The following HPSE2 variants were observed in gnomAD, a reference collection of about 807,000 sequenced individuals.
HPSE2 encodes the protein heparanase 2 (inactive).
HPSE2 carries 38 observed loss-of-function variants against 60.5 expected under a neutral mutation model. The observed-to-expected ratio is 0.63, with a 90% CI of 0.48 to 0.82. The LOEUF is 0.82. Among genes scored for constraint, HPSE2 ranks in the 40% least tolerant of loss-of-function variants. HPSE2 has a pLI of 0.00. For synonymous variants in HPSE2, 295 were observed against 293.2 expected (o/e 1.01, Z -0.06); for missense variants, 713 against 740.4 (o/e 0.96, Z 0.43).
chr10:98,540,088 G>A (rs2133821010), intron 9 of HPSE2, among the ~76,000 whole-genome samples: 1 of 152,286 alleles, frequency 6.6e-6, no homozygotes, highest in Non-Finnish European at 1.5e-5. Context: ...ATGAGTCAAT[G>A]GTTCTGAATA....
chr10:99,013,901 TG>T, intron 3 of HPSE2: 1 of 419,844 alleles, frequency 2.4e-6, no homozygotes, highest in Admixed American at 2.9e-5. Context: ...ATGATACTTT[TG>T]TGCTCCTGGT....
intron 11 of HPSE2, among the ~76,000 whole-genome samples, chr10:98,462,837 A>G (rs1940355804): frequency 1.3e-5 from 2 of 152,252 alleles, no homozygotes; most frequent in African/African-American, 4.8e-5. Flanking sequence ...CTAAGCTTGT[A>G]TCTCTACCCT....
intron 9 of HPSE2, among the ~76,000 whole-genome samples, chr10:98,516,428 A>C (rs890920478): frequency 6.6e-6 from 1 of 152,198 alleles, no homozygotes; most frequent in African/African-American, 2.4e-5. Flanking sequence ...TGAATCTATA[A>C]ATAAAAAACG....
intron 3 of HPSE2, among the ~76,000 whole-genome samples, chr10:98,954,315 GAAACAAAGGAA>G (rs1340356395): frequency 3.3e-5 from 5 of 151,392 alleles, no homozygotes; most frequent in African/African-American, 1.2e-4. Context: ...TCAAAAAAAA[GAAACAAAGGAA>G]AAAAAAAGAG....
In HPSE2 at chr10:98,997,112, C is replaced by CT. The variant is rs34434956; in HGVS notation, c.610+147125dup. 1.9e-3 allele frequency among the ~76,000 whole-genome samples: 232 copies of CT among 119,700 alleles called. 21 individuals are homozygous for CT. The East Asian group carries it at 0.024, about 12-fold the overall frequency. The allele number at this position is 119,700 out of a possible 152,430, so 78.5% of individuals were successfully genotyped here. On this transcript the variant is annotated intron_variant, in intron 3 of 11. Transcript: ENST00000370552. ...TTACTTTAGTCAATACAGACCCTTT[C>CT]TTTTTTTTTTTTTTTTTTGAGACAG...
At position 98,932,319 on chromosome 10, in the gene HPSE2, C is replaced by A. The variant is rs953660644; in HGVS notation, c.611-188263G>T. Among the ~76,000 whole-genome samples, 11 of 143,948 alleles carry A rather than the reference C, an allele frequency of 7.6e-5. 1 individual carries two copies. The highest frequency in any genetic ancestry group is 1.6e-4 in the Non-Finnish European group (11 of 67,238). 94.4% of individuals were successfully genotyped at this position (143,948 alleles called of 152,430 possible). A position where few individuals can be genotyped will look rare whatever the true frequency, so the allele number is the denominator to read the frequency against. On this transcript the variant is annotated intron_variant, in intron 3 of 11. Coordinates refer to ENST00000370552, the MANE Select transcript of HPSE2 (RefSeq NM_021828.5). ...CAGCCTTGCATTCTGGGGATAAAAC[C>A]GACCTGATCATGGTGGATAAACTTT...
chr10:98,595,482 TTTC>T (rs1564997427), intron 9 of HPSE2, among the ~76,000 whole-genome samples: 1 of 152,208 alleles, frequency 6.6e-6, no homozygotes. Flanking sequence ...ATGAGATTAT[TTTC>T]TTGATTCTTT....
At chr10:98,662,139 C>T (rs958950759) in intron 6 of HPSE2, among the ~76,000 whole-genome samples, 24 of 152,110 alleles carry the variant, frequency 1.6e-4, no homozygotes, top group African/African-American at 3.1e-4. Context: ...ATGATCTGCC[C>T]GCCTCGGCTT....
At chr10:98,726,183 C>T (rs1397491978) in intron 4 of HPSE2, among the ~76,000 whole-genome samples, 3 of 152,100 alleles carry the variant, frequency 2.0e-5, no homozygotes, top group African/African-American at 4.8e-5. Context: ...GACACATGCA[C>T]ACGTATGTTT....
In HPSE2 at chr10:99,232,481, G is replaced by C; in HGVS notation, c.315C>G (p.Ala105=). Residue 105 remains alanine (A), a synonymous_variant, in exon 2 of 12, where the codon GCC becomes GCG. Transcript: ENST00000370552. ...FLSSKRLVTL[A]RGLSPAFLRF... ...GCAGAAAGGCGGGCGAAAGTCCCCG[G>C]GCCAGGGTCACCAAGCGCTTGGAGC... 6.4e-7 allele frequency: 1 copy of C among 1,555,876 alleles called. No individual in the cohort carries two copies. Among genetic ancestry groups the C allele is most frequent in the Non-Finnish European group, 8.7e-7 (1 of 1,149,966 alleles).
chr10:98,762,009 C>CCCT (rs897458257), intron 3 of HPSE2, among the ~76,000 whole-genome samples: 1 of 150,216 alleles, frequency 6.7e-6, no homozygotes, highest in African/African-American at 2.5e-5. Context: ...TCTTCCCCTC[C>CCCT]CCTCCCCTCT....
intron 3 of HPSE2, among the ~76,000 whole-genome samples, chr10:98,866,505 T>C (rs541573313): frequency 6.6e-6 from 1 of 151,962 alleles, no homozygotes; most frequent in South Asian, 2.1e-4. Context: ...AAAACACAAA[T>C]TCAAAGAGCT....
chr10:98,896,092 TA>T (rs920580645), intron 3 of HPSE2, among the ~76,000 whole-genome samples: 6 of 149,518 alleles, frequency 4.0e-5, no homozygotes, highest in African/African-American at 1.2e-4. Context: ...TAATAATAAT[TA>T]AAAAAAAGAA....
At chr10:98,660,470 A>T (rs1398675610) in intron 6 of HPSE2, among the ~76,000 whole-genome samples, 1 of 152,250 alleles carries the variant, frequency 6.6e-6, no homozygotes, top group Non-Finnish European at 1.5e-5. Context: ...GAAAATAGTT[A>T]TAAGTTCTAC....
chr10:98,941,233 G>A (rs1406866951), intron 3 of HPSE2, among the ~76,000 whole-genome samples: 4 of 132,324 alleles, frequency 3.0e-5, no homozygotes, highest in South Asian at 4.6e-4. Context: ...TTCTGGCCAG[G>A]GCAATTAGGC....
At chr10:99,257,907 C>T in the HPSE2 span, among the ~76,000 whole-genome samples, 135 of 152,066 alleles carry the variant, frequency 8.9e-4, no homozygotes, top group African/African-American at 3.1e-3. Flanking sequence ...TCAGACCAGC[C>T]GACACTTAGG....
At chr10:98,924,423 G>A (rs1366576079) in intron 3 of HPSE2, 4 of 152,278 alleles carry the variant, frequency 2.6e-5, no homozygotes, top group Non-Finnish European at 5.9e-5. Flanking sequence ...GGAGCCAGAA[G>A]TTGGAGTCAA....
chr10:98,987,349 A>C lies in HPSE2; in HGVS notation c.610+156889T>G, dbSNP rs1288911356. Reference sequence around the variant, plus strand: ...ATGCAAGGCTGGTTCAACACAAGCAAATCAATAAACGTAATCCAGCATATA... The same window carrying C: ...ATGCAAGGCTGGTTCAACACAAGCACATCAATAAACGTAATCCAGCATATA... On this transcript the variant is annotated intron_variant, in intron 3 of 11. Transcript: ENST00000370552. Among the ~76,000 whole-genome samples, 7 of 152,196 alleles carry C rather than the reference A, an allele frequency of 4.6e-5. No individual in the cohort carries two copies. In the East Asian group the frequency reaches 1.2e-3, roughly 25 times the overall value.
intron 11 of HPSE2, among the ~76,000 whole-genome samples, chr10:98,476,615 C>A (rs1255335714): frequency 6.6e-6 from 1 of 151,916 alleles, no homozygotes; most frequent in African/African-American, 2.4e-5. Flanking sequence ...CATGGTGGAA[C>A]CTCATCTTTA....
Sources: allele counts gnomAD v4.1 joint callset (sites outside exome capture counted in the v4.1 genomes callset), GRCh38; gene constraint gnomAD v4.1.1; transcripts MANE v1.5; gene names NCBI Gene and HGNC (gene_info 2026-07-23, HGNC 2026-07-21).